Variants in RNF13 observed in about 807,000 individuals in gnomAD.
RNF13 encodes the protein ring finger protein 13, also known as E3 ubiquitin-protein ligase RNF13.
A neutral mutation model predicts 37.7 loss-of-function variants in RNF13; 19 were observed. That is an observed-to-expected ratio of 0.50 (90% CI 0.35 to 0.74). The LOEUF (loss-of-function observed/expected upper bound fraction) is 0.74, where lower values mean the gene tolerates loss of function less well. Among genes scored for constraint, RNF13 ranks in the 30% least tolerant of loss-of-function variants. The pLI is 0.01. For missense variants in RNF13, 375 were observed against 453.0 expected, an observed-to-expected ratio of 0.83 and a Z score of 1.56; for synonymous variants, 144 against 157.8, an observed-to-expected ratio of 0.91 and a Z score of 0.65.
chr3:149,946,881 T>C (rs1184576158), intron 8 of RNF13, among the ~76,000 whole-genome samples: 2 of 152,234 alleles, frequency 1.3e-5, no homozygotes, highest in African/African-American at 2.4e-5. Flanking sequence ...AAGTTGTTGA[T>C]TTGAGGTCTT....
intron 8 of RNF13, among the ~76,000 whole-genome samples, chr3:149,946,033 G>C (rs1720742263): frequency 6.6e-6 from 1 of 152,230 alleles, no homozygotes; most frequent in African/African-American, 2.4e-5. Context: ...AAGGAATGCA[G>C]CTCCTCACCA....
At chr3:149,912,162 A>G in intron 7 of RNF13, 79 bp downstream of exon 7, 1 of 715,364 alleles carries the variant, frequency 1.4e-6, no homozygotes, top group Non-Finnish European at 2.4e-6. Flanking sequence ...GAGAGAATTT[A>G]AACAATGTGT....
chr3:149,826,640 T>C (rs1376183611), intron 1 of RNF13, among the ~76,000 whole-genome samples: 1 of 152,244 alleles, frequency 6.6e-6, no homozygotes, highest in African/African-American at 2.4e-5. Flanking sequence ...TGAAATAGTC[T>C]AGGGAGTTTT....
chr3:149,940,391 C>T (rs1720132224), intron 8 of RNF13, among the ~76,000 whole-genome samples: 1 of 152,116 alleles, frequency 6.6e-6, no homozygotes, highest in Admixed American at 6.5e-5. Context: ...TCATAGCATA[C>T]ATAATTGAAT....
intron 1 of RNF13, among the ~76,000 whole-genome samples, chr3:149,817,069 A>T (rs929202345): frequency 2.6e-5 from 4 of 152,120 alleles, no homozygotes; most frequent in African/African-American, 9.7e-5. Context: ...TTACTTTTGG[A>T]GCTGAGGAGT....
chr3:149,858,624 C>T (rs1393232180), intron 3 of RNF13, among the ~76,000 whole-genome samples: 1 of 152,064 alleles, frequency 6.6e-6, no homozygotes, highest in African/African-American at 2.4e-5. Context: ...GTTTTGTAAC[C>T]TGGTAGTCAG....
At chr3:149,884,032 C>T (rs187024942) in intron 4 of RNF13, among the ~76,000 whole-genome samples, 21 of 152,256 alleles carry the variant, frequency 1.4e-4, no homozygotes, top group Admixed American at 1.1e-3. Flanking sequence ...GACATGATCT[C>T]GTTCCTTTTT....
chr3:149,882,696 ATTTTGT>A (rs1003671031), intron 4 of RNF13, among the ~76,000 whole-genome samples: 2 of 152,076 alleles, frequency 1.3e-5, no homozygotes, highest in Non-Finnish European at 2.9e-5. Context: ...GTGCAGGATG[ATTTTGT>A]TTTTATTTTC....
At chr3:149,958,366 C>CAG in intron 8 of RNF13, among the ~76,000 whole-genome samples, 1 of 152,134 alleles carries the variant, frequency 6.6e-6, no homozygotes, top group Non-Finnish European at 1.5e-5. Flanking sequence ...ACCCTTCTTC[C>CAG]CCCTATCTTC....
Position 149,902,123 on chromosome 3 carries a change from C to T in RNF13, c.461C>T (p.Ser154Leu). 6.6e-7 allele frequency: 1 copy of T among 1,523,636 alleles called. No individual in the cohort carries two copies. The highest frequency in any genetic ancestry group is 1.3e-5 in the South Asian group (1 of 78,154). 94.4% of individuals were successfully genotyped at this position (1,523,636 alleles called of 1,614,324 possible). ...DIPSVFIGESSANSLKDEFTY... is the reference protein window; with the variant it reads ...DIPSVFIGESLANSLKDEFTY... ...CCATCTGTCTTTATTGGTGAATCAT[C>T]AGCTAATTCTCTGAAAGATGAATTC... Residue 154 changes from serine to leucine, a missense_variant, in exon 6 of 10, where the codon TCA (serine) becomes TTA (leucine). By Grantham distance (145) the Ser-to-Leu change is moderately radical (BLOSUM62 -2). Coordinates refer to ENST00000392894, the MANE Select transcript of RNF13 (RefSeq NM_183381.3).
At chr3:149,837,173 G>A (rs1721707048) in intron 1 of RNF13, among the ~76,000 whole-genome samples, 1 of 152,070 alleles carries the variant, frequency 6.6e-6, no homozygotes, top group Non-Finnish European at 1.5e-5. Context: ...AGAGGCTGAA[G>A]GCCTTCTGAA....
Position 149,902,091 on chromosome 3 carries a change from T to C in RNF13, c.429T>C (p.Ile143=). Residue 143 remains isoleucine (I), a synonymous_variant, in exon 6 of 10, where the codon ATT becomes ATC. Transcript: ENST00000392894. ...ATACAGTTGAGGTACTAAAGAAAAT[T>C]GACATTCCATCTGTCTTTATTGGTG... is the stretch of plus-strand genomic sequence containing the variant. ...GSNDIEVLKK[I]DIPSVFIGES... 1 of 1,483,794 alleles carries C rather than the reference T, an allele frequency of 6.7e-7. No homozygotes were observed. The highest frequency in any genetic ancestry group is 1.3e-5 in the South Asian group (1 of 74,656). 91.9% of individuals were successfully genotyped at this position (1,483,794 alleles called of 1,614,324 possible).
intron 3 of RNF13, among the ~76,000 whole-genome samples, chr3:149,861,165 T>C (rs896054058): frequency 1.3e-5 from 2 of 151,638 alleles, no homozygotes; most frequent in African/African-American, 2.4e-5. Flanking sequence ...TTGGTGGGAA[T>C]GTAAATTAGT....
At chr3:149,952,685 T>C (rs544414603) in intron 8 of RNF13, among the ~76,000 whole-genome samples, 1 of 152,094 alleles carries the variant, frequency 6.6e-6, no homozygotes, top group Non-Finnish European at 1.5e-5. Flanking sequence ...TCACAACCTC[T>C]GCCTCCCGGG....
chr3:149,935,647 G>A (rs959965444), intron 8 of RNF13, among the ~76,000 whole-genome samples: 4 of 152,032 alleles, frequency 2.6e-5, no homozygotes, highest in African/African-American at 7.2e-5. Context: ...CAAAGAAAAC[G>A]ACAAAAAACT....
chr3:149,880,255 G>A (rs764264814), intron 4 of RNF13, among the ~76,000 whole-genome samples: 16 of 152,160 alleles, frequency 1.1e-4, no homozygotes, highest in Non-Finnish European at 2.1e-4. Flanking sequence ...TGGTGGGTGG[G>A]CTGAAATGGG....
intron 4 of RNF13, among the ~76,000 whole-genome samples, chr3:149,878,456 C>T (rs1208838763): frequency 6.6e-6 from 1 of 152,070 alleles, no homozygotes; most frequent in Non-Finnish European, 1.5e-5. Context: ...AAATAATGTG[C>T]AGGAAAGAAC....
intron 8 of RNF13, among the ~76,000 whole-genome samples, chr3:149,938,489 T>TA (rs1213170909): frequency 1.9e-4 from 28 of 146,094 alleles, no homozygotes; most frequent in African/African-American, 5.5e-4. Flanking sequence ...TTATTATTAT[T>TA]TTTTTTTTTT....
chr3:149,866,738 T>G (rs1711497599), intron 3 of RNF13, among the ~76,000 whole-genome samples: 1 of 152,238 alleles, frequency 6.6e-6, no homozygotes. Context: ...TGTAGTAGTT[T>G]CATTTTCATT....
Sources: allele counts gnomAD v4.1 joint callset (sites outside exome capture counted in the v4.1 genomes callset), GRCh38; gene constraint gnomAD v4.1.1; transcripts MANE v1.5; gene names NCBI Gene and HGNC (gene_info 2026-07-23, HGNC 2026-07-21).